The following PIGF variants were observed in gnomAD, a reference collection of about 807,000 sequenced individuals.
The protein encoded by PIGF is phosphatidylinositol glycan anchor biosynthesis class F.
A neutral mutation model predicts 26.0 loss-of-function variants in PIGF; 23 were observed. That is an observed-to-expected ratio of 0.88 (90% CI 0.64 to 1.25). The LOEUF (loss-of-function observed/expected upper bound fraction) is 1.25. Among genes scored for constraint, PIGF ranks in the 50% most tolerant of loss-of-function variants. PIGF has a pLI of 0.00. For missense variants in PIGF, 278 were observed against 249.9 expected, an observed-to-expected ratio of 1.11 and a Z score of -0.76; for synonymous variants, 93 against 92.6, an observed-to-expected ratio of 1.00 and a Z score of -0.03.
chr2:46,594,343 G>C (rs992182704), intron 4 of PIGF, among the ~76,000 whole-genome samples: 1 of 152,114 alleles, frequency 6.6e-6, no homozygotes, highest in Non-Finnish European at 1.5e-5. Flanking sequence ...ACTTTCTGTT[G>C]GGAAGAATTC....
intron 3 of PIGF, among the ~76,000 whole-genome samples, 164 bp from the exon 4 acceptor site, chr2:46,612,508 C>T (rs1670455426): frequency 6.6e-6 from 1 of 152,146 alleles, no homozygotes; most frequent in African/African-American, 2.4e-5. Flanking sequence ...TTACCACCAA[C>T]ATGTAGCTTT....
In PIGF at chr2:46,588,403, C is replaced by A. The variant is rs1669642020; in HGVS notation, c.546+4072G>T. The A allele has an allele frequency of 2.2e-6, 1 of 460,238 alleles. No individual in the cohort carries two copies. Among genetic ancestry groups the A allele is most frequent in the South Asian group, 2.8e-5 (1 of 35,788 alleles). The allele number at this position is 460,238 out of a possible 1,614,324, so 28.5% of individuals were successfully genotyped here. ...ATTTTTTGAAGGCTAAAAATATAGTCATTAAACTATGTCTTTTCTAGGTCA... is the reference window on the plus strand; with the variant it reads ...ATTTTTTGAAGGCTAAAAATATAGTAATTAAACTATGTCTTTTCTAGGTCA... On this transcript the variant is annotated intron_variant, in intron 5 of 5. Transcript: ENST00000281382. This position sits in a 1 kb window ranked among gnomAD's most constrained non-coding sequence, Gnocchi z 4.1.
intron 1 of PIGF, 181 bp downstream of exon 1, chr2:46,616,787 GAC>G (rs1670649652): frequency 5.3e-6 from 1 of 188,984 alleles, no homozygotes. Context: ...AAAACTGGGG[GAC>G]AGAGGCGAAA....
intron 4 of PIGF, among the ~76,000 whole-genome samples, chr2:46,607,631 T>C (rs757384367): frequency 1.3e-5 from 2 of 152,194 alleles, no homozygotes; most frequent in African/African-American, 2.4e-5. Context: ...TGGTGGAAGA[T>C]GTGGCCTTGA....
chr2:46,599,833 G>C (rs1670000036), intron 4 of PIGF, among the ~76,000 whole-genome samples: 1 of 151,954 alleles, frequency 6.6e-6, no homozygotes, highest in African/African-American at 2.4e-5. Flanking sequence ...CTTCTATAGT[G>C]CATTTTTAGG....
rs1255362490 is a variant in PIGF at position 46,581,416 on chromosome 2, C to G, written c.*62G>C. ...GTAAATGGAACTGCTTGGCTTTGACCATACACATTTCTGCCCAGCCCTTAC... is the reference window on the plus strand; with the variant it reads ...GTAAATGGAACTGCTTGGCTTTGACGATACACATTTCTGCCCAGCCCTTAC... On this transcript the variant is annotated 3_prime_UTR_variant, in exon 6 of 6. Coordinates refer to ENST00000281382, the MANE Select transcript of PIGF (RefSeq NM_002643.4). 7 of 1,572,148 alleles carry G rather than the reference C, an allele frequency of 4.5e-6. No individual in the cohort carries two copies. The highest frequency in any genetic ancestry group is 6.0e-6 in the Non-Finnish European group (7 of 1,158,492).
At chr2:46,596,163 G>A (rs1263043096) in intron 4 of PIGF, among the ~76,000 whole-genome samples, 9 of 149,184 alleles carry the variant, frequency 6.0e-5, no homozygotes, top group Non-Finnish European at 1.0e-4. Context: ...GTCGTGAGCC[G>A]AGACGATGCC....
At chr2:46,609,523 G>A (rs1189492731) in intron 4 of PIGF, among the ~76,000 whole-genome samples, 2 of 152,194 alleles carry the variant, frequency 1.3e-5, no homozygotes, top group Admixed American at 6.5e-5. Context: ...CTTTTAGTCT[G>A]TCTCAGTTCT....
At chr2:46,582,405 G>A (rs1352742512) in intron 5 of PIGF, 2 of 152,182 alleles carry the variant, frequency 1.3e-5, no homozygotes, top group Non-Finnish European at 2.9e-5. Flanking sequence ...TGTTAGAGGT[G>A]AACCATCTTA....
chr2:46,588,011 A>G lies in PIGF; in HGVS notation c.546+4464T>C. The G allele has an allele frequency of 7.3e-7, 1 of 1,370,524 alleles. No homozygotes were observed. The highest frequency in any genetic ancestry group is 9.6e-7 in the Non-Finnish European group (1 of 1,037,790). The allele number at this position is 1,370,524 out of a possible 1,614,324, so 84.9% of individuals were successfully genotyped here. A position where few individuals can be genotyped will look rare whatever the true frequency, so the allele number is the denominator to read the frequency against. On this transcript the variant is annotated intron_variant, in intron 5 of 5. Coordinates refer to ENST00000281382, the MANE Select transcript of PIGF (RefSeq NM_002643.4). This position sits in a 1 kb window ranked among gnomAD's most constrained non-coding sequence, Gnocchi z 4.1. ...CTTCCCACCTGAGTAATGCTAAGCAAGATGTGTACTCCTCCCCTCTCACAC... is the reference window on the plus strand; with the variant it reads ...CTTCCCACCTGAGTAATGCTAAGCAGGATGTGTACTCCTCCCCTCTCACAC...
rs1223373128 is a variant in PIGF, at chr2:46,613,789, A to T, written c.229-4T>A. 2.0e-6 allele frequency: 3 copies of T among 1,533,464 alleles called. No homozygotes were observed. The highest frequency in any genetic ancestry group is 2.7e-6 in the Non-Finnish European group (3 of 1,124,072). The allele number at this position is 1,533,464 out of a possible 1,614,324, so 95.0% of individuals were successfully genotyped here. A position where few individuals can be genotyped will look rare whatever the true frequency, so the allele number is the denominator to read the frequency against. The stretch of plus-strand genomic sequence containing the variant: ...AGCATTTCAAAAATCCAGTTACCTA[A>T]AAGAGAAATGAATAACCTGAAGATT... On this transcript the variant is annotated splice_polypyrimidine_tract_variant and splice_region_variant and intron_variant, in intron 2 of 5. Transcript: ENST00000281382.
chr2:46,588,413 T>C lies in PIGF; in HGVS notation c.546+4062A>G. 2.4e-6 allele frequency: 1 copy of C among 416,692 alleles called. No homozygotes were observed. The highest frequency in any genetic ancestry group is 4.2e-6 in the Non-Finnish European group (1 of 237,276). The allele number at this position is 416,692 out of a possible 1,614,324, so 25.8% of individuals were successfully genotyped here. ...GGCTAAAAATATAGTCATTAAACTATGTCTTTTCTAGGTCACAAATGCCTG... is the reference window on the plus strand; with the variant it reads ...GGCTAAAAATATAGTCATTAAACTACGTCTTTTCTAGGTCACAAATGCCTG... On this transcript the variant is annotated intron_variant, in intron 5 of 5. Transcript: ENST00000281382. This position sits in a 1 kb window ranked among gnomAD's most constrained non-coding sequence, Gnocchi z 4.1.
intron 5 of PIGF, chr2:46,582,211 A>G (rs1669413633): frequency 6.6e-6 from 1 of 152,076 alleles, no homozygotes; most frequent in Non-Finnish European, 1.5e-5. Context: ...ATATTACATC[A>G]GGCTAGAAGT....
chr2:46,600,203 T>A (rs1040623883), intron 4 of PIGF, among the ~76,000 whole-genome samples: 1 of 152,170 alleles, frequency 6.6e-6, no homozygotes, highest in African/African-American at 2.4e-5. Flanking sequence ...CCTGGTAGAT[T>A]GATAAGAGGT....
At chr2:46,586,096 A>G (rs1215094299) in intron 5 of PIGF, among the ~76,000 whole-genome samples, 2 of 152,184 alleles carry the variant, frequency 1.3e-5, no homozygotes, top group Non-Finnish European at 2.9e-5. Context: ...TCTTTAATAC[A>G]TGCTGTTCTT....
chr2:46,592,265 G>C (rs1329078928), intron 5 of PIGF, among the ~76,000 whole-genome samples: 1 of 152,132 alleles, frequency 6.6e-6, no homozygotes, highest in Non-Finnish European at 1.5e-5. Context: ...GCAAAAAATA[G>C]TGCTAGAAGA....
intron 5 of PIGF, among the ~76,000 whole-genome samples, chr2:46,585,085 A>T (rs1199188780): frequency 6.6e-6 from 1 of 152,320 alleles, no homozygotes; most frequent in East Asian, 1.9e-4. Flanking sequence ...AGGATTTTTT[A>T]AAAAAGTGAT....
chr2:46,591,853 C>T (rs17818315), intron 5 of PIGF: 341,634 of 1,301,672 alleles, frequency 0.26, 46,930 homozygotes, highest in Admixed American at 0.32. Context: ...TGATACAAGA[C>T]GAAAAATCTG....
intron 5 of PIGF, among the ~76,000 whole-genome samples, chr2:46,586,876 C>T (rs1430990160): frequency 6.6e-6 from 1 of 152,228 alleles, no homozygotes; most frequent in African/African-American, 2.4e-5. Context: ...CTACACTCAT[C>T]CATGTATACA....
Sources: gnomAD v4.1 joint callset for allele counts (sites outside exome capture counted in the v4.1 genomes callset) on GRCh38, gnomAD v4.1.1 for gene constraint, Gnocchi (gnomAD v3.1) non-coding constraint, MANE v1.5 for transcripts, NCBI Gene and HGNC (gene_info 2026-07-23, HGNC 2026-07-21) for gene names.